Variants in RNASEH1 observed in about 807,000 individuals in gnomAD.
RNASEH1 encodes ribonuclease H1.
A neutral mutation model predicts 34.6 loss-of-function variants in RNASEH1; 27 were observed. The observed-to-expected ratio is 0.78, with a 90% CI of 0.58 to 1.08. The LOEUF (loss-of-function observed/expected upper bound fraction) is 1.08. RNASEH1 is among the 50% of genes least tolerant of loss of function. The pLI is 0.00. For synonymous variants in RNASEH1, 162 were observed against 138.4 expected (o/e 1.17, Z -1.20); for missense variants, 349 against 373.6 (o/e 0.93, Z 0.54).
chr2:3,540,206 G>A (rs1668218743), downstream of RNASEH1, among the ~76,000 whole-genome samples: 1 of 152,044 alleles, frequency 6.6e-6, no homozygotes, highest in Non-Finnish European at 1.5e-5. Context: ...CAAATATTTT[G>A]ATTTGGAGCT....
At chr2:3,551,675 C>T (rs1659926965) in intron 3 of RNASEH1, among the ~76,000 whole-genome samples, 1 of 152,188 alleles carries the variant, frequency 6.6e-6, no homozygotes, top group South Asian at 2.1e-4. Flanking sequence ...CTGTGAGTCA[C>T]TAAATACATA....
At chr2:3,557,018 T>C (rs904796506) in intron 1 of RNASEH1, 114 bp from the exon 2 acceptor site, 6 of 732,774 alleles carry the variant, frequency 8.2e-6, no homozygotes, top group African/African-American at 5.3e-5. Flanking sequence ...GGGAGACTGA[T>C]TCCAGGAAGT....
intron 3 of RNASEH1, among the ~76,000 whole-genome samples, chr2:3,551,142 C>T (rs562591313): frequency 4.2e-4 from 64 of 152,326 alleles, no homozygotes; most frequent in African/African-American, 1.4e-3. Context: ...AGGTGGTACG[C>T]GCAGGAAGTG....
rs1668531411 is a variant in RNASEH1 at position 3,544,084 on chromosome 2, A to C, written c.*1701T>G. 6.6e-6 allele frequency among the ~76,000 whole-genome samples: 1 copy of C among 152,234 alleles called. No individual in the cohort carries two copies. ...ACCAGATAAGTATAAAAAAGAAAACACTTTCTTAGAAAACCATTCCAGCTA... is the reference window on the plus strand; with the variant it reads ...ACCAGATAAGTATAAAAAAGAAAACCCTTTCTTAGAAAACCATTCCAGCTA... On this transcript the variant is annotated 3_prime_UTR_variant, in exon 8 of 8. Transcript: ENST00000315212.
the RNASEH1 span, among the ~76,000 whole-genome samples, chr2:3,535,750 A>C: frequency 6.6e-6 from 1 of 152,170 alleles, no homozygotes; most frequent in African/African-American, 2.4e-5. Context: ...GTGATCTGAC[A>C]TGGTTTGAAA....
At chr2:3,557,477 C>T (rs960742758) in intron 1 of RNASEH1, among the ~76,000 whole-genome samples, 1 of 152,212 alleles carries the variant, frequency 6.6e-6, no homozygotes, top group Non-Finnish European at 1.5e-5. Flanking sequence ...AGGTCAACTT[C>T]TGAGATGCTT....
chr2:3,536,324 A>G, the RNASEH1 span, among the ~76,000 whole-genome samples: 2,104 of 152,294 alleles, frequency 0.014, 49 homozygotes, highest in African/African-American at 0.047. Flanking sequence ...CTGTAAAATA[A>G]AACAAATGGG....
At chr2:3,532,855 G>A in the RNASEH1 span, among the ~76,000 whole-genome samples, 1 of 152,164 alleles carries the variant, frequency 6.6e-6, no homozygotes, top group Non-Finnish European at 1.5e-5. Flanking sequence ...TTTTCTAGCC[G>A]TACCCTGACA....
intron 7 of RNASEH1, among the ~76,000 whole-genome samples, chr2:3,546,680 A>C (rs1451777301): frequency 6.6e-6 from 1 of 152,018 alleles, no homozygotes; most frequent in African/African-American, 2.4e-5. Flanking sequence ...GCCTAGTGAC[A>C]CTCTCACTAG....
intron 2 of RNASEH1, among the ~76,000 whole-genome samples, chr2:3,554,689 CATACTT>C (rs1444839247): frequency 1.3e-5 from 2 of 152,066 alleles, no homozygotes; most frequent in Non-Finnish European, 2.9e-5. Flanking sequence ...AAAACAGAAA[CATACTT>C]ATATTGGAAG....
intron 2 of RNASEH1, among the ~76,000 whole-genome samples, 155 bp downstream of exon 2, chr2:3,556,634 T>C (rs1660527022): frequency 6.6e-6 from 1 of 152,254 alleles, no homozygotes; most frequent in Admixed American, 6.5e-5. Context: ...CCACTATTTG[T>C]AACTGCTTTC....
chr2:3,541,809 G>A lies in RNASEH1; in HGVS notation c.*3976C>T, dbSNP rs767441478. 3.9e-5 allele frequency among the ~76,000 whole-genome samples: 6 copies of A among 152,168 alleles called. No individual in the cohort carries two copies. The highest frequency in any genetic ancestry group is 5.9e-5 in the Non-Finnish European group (4 of 68,026). On this transcript the variant is annotated 3_prime_UTR_variant, in exon 8 of 8. Transcript: ENST00000315212. ...CAGGCAAATGCATCGGTCACTTCAC[G>A]TATGTGCAGTTCATTACCTGTCAGT...
At chr2:3,553,241 C>T (rs1211853463) in intron 2 of RNASEH1, among the ~76,000 whole-genome samples, 1 of 149,232 alleles carries the variant, frequency 6.7e-6, no homozygotes, top group East Asian at 2.0e-4. Flanking sequence ...GAGTGAGACT[C>T]TGTCTCAAAA....
the RNASEH1 span, among the ~76,000 whole-genome samples, chr2:3,534,627 T>C: frequency 6.6e-6 from 1 of 152,242 alleles, no homozygotes; most frequent in Non-Finnish European, 1.5e-5. Context: ...GCGCGGATCC[T>C]GTGGCAAGCG....
At position 3,545,641 on chromosome 2, in the gene RNASEH1, A is replaced by G. The variant is rs1018010681; in HGVS notation, c.*144T>C. 3 of 641,998 alleles carry G rather than the reference A, an allele frequency of 4.7e-6. No homozygotes were observed. The highest frequency in any genetic ancestry group is 2.8e-6 in the Non-Finnish European group (1 of 352,566). 39.8% of individuals were successfully genotyped at this position (641,998 alleles called of 1,614,324 possible). A position where few individuals can be genotyped will look rare whatever the true frequency, so the allele number is the denominator to read the frequency against. ...ATTTTTTATAAACACATGTCACAGA[A>G]GGCCACTGTGCCTGATTCCGTGTGA... On this transcript the variant is annotated 3_prime_UTR_variant, in exon 8 of 8. Coordinates refer to ENST00000315212, the MANE Select transcript of RNASEH1 (RefSeq NM_002936.6).
chr2:3,551,837 T>C (rs1012882258), intron 3 of RNASEH1, among the ~76,000 whole-genome samples: 4 of 152,234 alleles, frequency 2.6e-5, no homozygotes, highest in African/African-American at 9.6e-5. Context: ...TGAGGTGTTA[T>C]TTGAAAAAGC....
rs1425618956 is a variant in RNASEH1 at position 3,542,870 on chromosome 2, G to A, written c.*2915C>T. On this transcript the variant is annotated 3_prime_UTR_variant, in exon 8 of 8. Coordinates refer to ENST00000315212, the MANE Select transcript of RNASEH1 (RefSeq NM_002936.6). ...CAGAAAATATTCTTCCTTTAAATAT[G>A]TGTGTGCAATGTTTGTATTTTTTTA... Among the ~76,000 whole-genome samples, 4 of 152,142 alleles carry A rather than the reference G, an allele frequency of 2.6e-5. No individual in the cohort carries two copies. The highest frequency in any genetic ancestry group is 9.7e-5 in the African/African-American group (4 of 41,406).
In RNASEH1 at chr2:3,544,994, C is replaced by T. The variant is rs1481389531; in HGVS notation, c.*791G>A. On this transcript the variant is annotated 3_prime_UTR_variant, in exon 8 of 8. Coordinates refer to ENST00000315212, the MANE Select transcript of RNASEH1 (RefSeq NM_002936.6). ...TTCGTCATGTTGGCCAAGCTGGTCT[C>T]AAACTCCTGACCTCAAGTGATCTGC... The T allele has an allele frequency of 6.6e-6, 1 of 151,616 alleles. No homozygotes were observed. The highest frequency in any genetic ancestry group is 1.5e-5 in the Non-Finnish European group (1 of 67,984). The allele number at this position is 151,616 out of a possible 1,614,324, so 9.4% of individuals were successfully genotyped here.
At chr2:3,536,474 G>C (rs572555985), downstream of RNASEH1, among the ~76,000 whole-genome samples, 31 of 152,274 alleles carry the variant, frequency 2.0e-4, no homozygotes, top group Non-Finnish European at 3.5e-4. Context: ...GGCTGGCTCC[G>C]TTTGAGCAAA....
Sources: gnomAD v4.1 joint callset for allele counts (sites outside exome capture counted in the v4.1 genomes callset) on GRCh38, gnomAD v4.1.1 for gene constraint, MANE v1.5 for transcripts, NCBI Gene and HGNC (gene_info 2026-07-23, HGNC 2026-07-21) for gene names.